The following CMTM8 variants were observed in gnomAD, a reference collection of about 807,000 sequenced individuals.
CMTM8 encodes CKLF like MARVEL transmembrane domain containing 8.
A neutral mutation model predicts 18.6 loss-of-function variants in CMTM8; 12 were observed. The observed-to-expected ratio is 0.65, with a 90% confidence interval of 0.41 to 1.05. CMTM8 has a LOEUF of 1.05. CMTM8 is among the 50% of genes least tolerant of loss of function. CMTM8 has a pLI of 0.00. For synonymous variants in CMTM8, 87 were observed against 90.6 expected, an observed-to-expected ratio of 0.96 and a Z score of 0.23; for missense variants, 217 against 227.2, an observed-to-expected ratio of 0.95 and a Z score of 0.29.
intron 1 of CMTM8, chr3:32,259,745 T>C (rs1254899738): frequency 3.1e-6 from 3 of 967,110 alleles, no homozygotes; most frequent in Non-Finnish European, 5.0e-6. Context: ...GCTGGACAAG[T>C]ACTGGTCTCA....
At chr3:32,272,736 C>G (rs1049288815) in intron 1 of CMTM8, among the ~76,000 whole-genome samples, 3 of 152,172 alleles carry the variant, frequency 2.0e-5, no homozygotes, top group African/African-American at 7.2e-5. Context: ...TTTTCACCCT[C>G]CACTCATTGC....
intron 1 of CMTM8, among the ~76,000 whole-genome samples, chr3:32,267,185 A>G (rs1702361059): frequency 6.6e-6 from 1 of 152,196 alleles, no homozygotes; most frequent in South Asian, 2.1e-4. Context: ...GCATCACACT[A>G]CCTGACTTCA....
chr3:32,290,855 G>A (rs930450932), intron 1 of CMTM8, among the ~76,000 whole-genome samples: 2 of 152,178 alleles, frequency 1.3e-5, no homozygotes, highest in South Asian at 4.1e-4. Flanking sequence ...TAATCTCACA[G>A]CCCAGCAAAG....
At position 32,258,968 on chromosome 3, in the gene CMTM8, C is replaced by T. The variant is rs576975959; in HGVS notation, c.147+19849C>T. The T allele has an allele frequency of 3.0e-3, 1,002 of 335,824 alleles. 6 individuals are homozygous for T. The highest frequency in any genetic ancestry group is 6.1e-3 in the Admixed American group (182 of 29,746). The allele number at this position is 335,824 out of a possible 1,614,324, so 20.8% of individuals were successfully genotyped here. ...AGCTTCACCACTCGTTCCACCTTCTCCTCCAACTGCCAGTCCGTGGGCTCT... is the reference window on the plus strand; with the variant it reads ...AGCTTCACCACTCGTTCCACCTTCTTCTCCAACTGCCAGTCCGTGGGCTCT... On this transcript the variant is annotated intron_variant, in intron 1 of 3. Transcript: ENST00000307526.
intron 1 of CMTM8, among the ~76,000 whole-genome samples, chr3:32,328,844 C>A (rs1467957825): frequency 1.3e-5 from 2 of 152,108 alleles, no homozygotes; most frequent in African/African-American, 2.4e-5. Flanking sequence ...TAACCAAAAA[C>A]TTCCCAACAA....
chr3:32,360,512 A>G (rs1575095602), intron 2 of CMTM8, among the ~76,000 whole-genome samples: 2 of 152,248 alleles, frequency 1.3e-5, no homozygotes, highest in East Asian at 3.8e-4. Context: ...GGAGACTGGA[A>G]AAAGTTTCCG....
Position 32,302,686 on chromosome 3 carries a change from A to G in CMTM8, c.148-54687A>G, listed in dbSNP as rs530730031. Among the ~76,000 whole-genome samples, 224 of 152,306 alleles carry G rather than the reference A, an allele frequency of 1.5e-3. 2 individuals are homozygous for G. The highest frequency in any genetic ancestry group is 2.7e-3 in the South Asian group (13 of 4,818). On this transcript the variant is annotated intron_variant, in intron 1 of 3. Coordinates refer to ENST00000307526, the MANE Select transcript of CMTM8 (RefSeq NM_178868.5). ...GAGAAGAAATTGGAGCAAATTTCAC[A>G]AGGCATGGGTTTTTCACCTATTTGA...
chr3:32,275,610 T>C (rs1702505048), intron 1 of CMTM8, among the ~76,000 whole-genome samples: 1 of 151,026 alleles, frequency 6.6e-6, no homozygotes, highest in South Asian at 2.1e-4. Context: ...GCTCAGAATC[T>C]GTGTGAGGAG....
chr3:32,254,832 C>T (rs1344414291), intron 1 of CMTM8, among the ~76,000 whole-genome samples: 1 of 152,120 alleles, frequency 6.6e-6, no homozygotes, highest in African/African-American at 2.4e-5. Context: ...CAATCATCTA[C>T]ACTACAACTA....
intron 2 of CMTM8, among the ~76,000 whole-genome samples, chr3:32,357,908 C>T (rs781769447): frequency 1.3e-5 from 2 of 152,240 alleles, no homozygotes; most frequent in Non-Finnish European, 2.9e-5. Context: ...GCAGATCGTG[C>T]TTCCTATAAA....
intron 1 of CMTM8, among the ~76,000 whole-genome samples, chr3:32,330,904 G>T (rs11706397): frequency 6.6e-6 from 1 of 151,946 alleles, no homozygotes; most frequent in East Asian, 1.9e-4. Context: ...AATGAGAAAA[G>T]CTTCATGACA....
At chr3:32,260,303 G>T in intron 1 of CMTM8, 1 of 699,874 alleles carries the variant, frequency 1.4e-6, no homozygotes, top group Non-Finnish European at 2.5e-6. Flanking sequence ...GAAAAAAAAA[G>T]TATTATCTCG....
intron 1 of CMTM8, among the ~76,000 whole-genome samples, chr3:32,350,681 T>C (rs879754542): frequency 2.0e-5 from 3 of 152,154 alleles, no homozygotes; most frequent in Non-Finnish European, 1.5e-5. Flanking sequence ...CATGCCACCA[T>C]GCCCAGGTAA....
intron 1 of CMTM8, among the ~76,000 whole-genome samples, chr3:32,316,675 T>A (rs866081840): frequency 6.8e-6 from 1 of 147,308 alleles, no homozygotes; most frequent in East Asian, 2.0e-4. Context: ...GATTTTTTTT[T>A]CCCCCTAAAA....
chr3:32,246,957 T>C (rs759986721), intron 1 of CMTM8, among the ~76,000 whole-genome samples: 73 of 152,100 alleles, frequency 4.8e-4, no homozygotes, highest in Non-Finnish European at 8.1e-4. Flanking sequence ...AAAAATCAGC[T>C]GGGCGTAGTG....
chr3:32,270,652 T>C (rs1702424415), intron 1 of CMTM8, among the ~76,000 whole-genome samples: 1 of 151,922 alleles, frequency 6.6e-6, no homozygotes, highest in Non-Finnish European at 1.5e-5. Context: ...TTCTCACTCA[T>C]AGGTGGGAAT....
At chr3:32,302,685 C>T (rs1575167434) in intron 1 of CMTM8, among the ~76,000 whole-genome samples, 1 of 152,140 alleles carries the variant, frequency 6.6e-6, no homozygotes, top group Admixed American at 6.5e-5. Flanking sequence ...GCAAATTTCA[C>T]AAGGCATGGG....
At chr3:32,254,393 C>T (rs933034681) in intron 1 of CMTM8, among the ~76,000 whole-genome samples, 1 of 152,246 alleles carries the variant, frequency 6.6e-6, no homozygotes, top group Non-Finnish European at 1.5e-5. Context: ...AGTACATCTT[C>T]TATATGTATC....
chr3:32,361,270 G>A (rs1696919355), intron 2 of CMTM8, among the ~76,000 whole-genome samples: 2 of 19,428 alleles, frequency 1.0e-4, no homozygotes, highest in Admixed American at 7.1e-4. Flanking sequence ...TGTGAGCCAC[G>A]GCGCCCAGCC....
Sources: allele counts gnomAD v4.1 joint callset (sites outside exome capture counted in the v4.1 genomes callset), GRCh38; gene constraint gnomAD v4.1.1; transcripts MANE v1.5; gene names NCBI Gene and HGNC (gene_info 2026-07-23, HGNC 2026-07-21).